The following KLRG2 variants were observed in gnomAD, a reference collection of about 807,000 sequenced individuals.
The protein encoded by KLRG2 is killer cell lectin-like receptor subfamily G member 2.
KLRG2 carries 39 observed loss-of-function variants against 35.4 expected under a neutral mutation model. The ratio of observed to expected loss-of-function variants is 1.10; its 90% CI spans 0.85 to 1.44. KLRG2 has a LOEUF of 1.44. KLRG2 is among the 40% of genes most tolerant of loss of function. KLRG2 has a pLI of 0.00. For missense variants in KLRG2, 632 were observed against 570.9 expected, an observed-to-expected ratio of 1.11 and a Z score of -1.09; for synonymous variants, 283 against 265.8, an observed-to-expected ratio of 1.06 and a Z score of -0.63.
intron 3 of KLRG2, among the ~76,000 whole-genome samples, chr7:139,461,476 T>G (rs565547978): frequency 6.6e-6 from 1 of 152,232 alleles, no homozygotes; most frequent in Non-Finnish European, 1.5e-5. Context: ...GCCAGGCCTC[T>G]GAGCCCAAGC....
intron 3 of KLRG2, among the ~76,000 whole-genome samples, chr7:139,460,190 AT>A (rs1796545069): frequency 6.6e-6 from 1 of 152,114 alleles, no homozygotes; most frequent in Admixed American, 6.6e-5. Context: ...CCTCCAGCAG[AT>A]TTTTACATGG....
chr7:139,437,317 C>T, the KLRG2 span, among the ~76,000 whole-genome samples: 1 of 147,958 alleles, frequency 6.8e-6, no homozygotes, highest in African/African-American at 2.5e-5. Flanking sequence ...CCCAGCTACT[C>T]GGGAGGCTGA....
At chr7:139,437,425 C>CA in the KLRG2 span, among the ~76,000 whole-genome samples, 4,698 of 72,928 alleles carry the variant, frequency 0.064, 258 homozygotes, top group Non-Finnish European at 0.081. Flanking sequence ...ACTCCATCTC[C>CA]AAAAAAAAAA....
At chr7:139,480,346 C>T (rs1796934296) in intron 1 of KLRG2, 99 bp from the exon 2 acceptor site, 1 of 666,372 alleles carries the variant, frequency 1.5e-6, no homozygotes, top group Non-Finnish European at 2.8e-6. Flanking sequence ...TCACCCACCT[C>T]ACCCCAGCAC....
downstream of KLRG2, among the ~76,000 whole-genome samples, chr7:139,449,947 C>G (rs999052199): frequency 6.6e-6 from 1 of 151,850 alleles, no homozygotes; most frequent in African/African-American, 2.4e-5. Flanking sequence ...GTGATCCGCC[C>G]GCCTCGGCCT....
intron 3 of KLRG2, among the ~76,000 whole-genome samples, chr7:139,463,451 A>G (rs1317011662): frequency 6.6e-6 from 1 of 152,216 alleles, no homozygotes; most frequent in Non-Finnish European, 1.5e-5. Context: ...GCCATGAGAC[A>G]AAACCCAGCC....
the KLRG2 span, among the ~76,000 whole-genome samples, chr7:139,431,161 T>C: frequency 6.6e-6 from 1 of 152,060 alleles, no homozygotes; most frequent in East Asian, 1.9e-4. Flanking sequence ...AGAGTACACA[T>C]ACTGTACAAT....
chr7:139,449,751 G>C (rs1381598407), downstream of KLRG2, among the ~76,000 whole-genome samples: 1 of 133,006 alleles, frequency 7.5e-6, no homozygotes, highest in African/African-American at 2.9e-5. Context: ...CCAGGCTGGA[G>C]TGCAGTGGCA....
Position 139,483,609 on chromosome 7 carries a change from G to C in KLRG2, c.34C>G (p.Gln12Glu). ...TCCATTGGGAGCTCTGCCCCGGCTT[G>C]GCCTCCGGGCGCAGCCTCCCAAGAC... ...EESWEAAPGG[Q>E]AGAELPMEPV... The change falls in exon 1 of 5, where the codon CAA (glutamine) becomes GAA (glutamate). Residue 12 changes from glutamine (Q) to glutamate (E), a missense_variant. By Grantham distance (29) the Gln-to-Glu change is conservative. Transcript: ENST00000340940. The C allele has an allele frequency of 6.3e-7, 1 of 1,580,198 alleles. No homozygotes were observed. Among genetic ancestry groups the C allele is most frequent in the Non-Finnish European group, 8.5e-7 (1 of 1,171,820 alleles).
chr7:139,464,143 C>G (rs1796613129), intron 3 of KLRG2, among the ~76,000 whole-genome samples: 1 of 152,124 alleles, frequency 6.6e-6, no homozygotes. Context: ...TCAAAGCCTC[C>G]TTTGCATTCT....
downstream of KLRG2, among the ~76,000 whole-genome samples, chr7:139,449,790 G>C (rs1266631137): frequency 1.5e-5 from 2 of 135,696 alleles, no homozygotes; most frequent in African/African-American, 5.5e-5. Context: ...AGCTCCACCT[G>C]CCAGGTTCAC....
the KLRG2 span, among the ~76,000 whole-genome samples, chr7:139,433,487 G>A: frequency 6.6e-6 from 1 of 152,060 alleles, no homozygotes; most frequent in Non-Finnish European, 1.5e-5. Context: ...CACCACACCC[G>A]GCTAATTTTG....
At chr7:139,454,822 TAATAATAA>T (rs1452919773) in intron 3 of KLRG2, among the ~76,000 whole-genome samples, 4 of 32,814 alleles carry the variant, frequency 1.2e-4, no homozygotes, top group African/African-American at 1.3e-3. Context: ...TATCTCAAAA[TAATAATAA>T]TAATAATAAT....
At chr7:139,435,970 T>C in the KLRG2 span, among the ~76,000 whole-genome samples, 1 of 152,022 alleles carries the variant, frequency 6.6e-6, no homozygotes, top group African/African-American at 2.4e-5. Context: ...GGCACAATCT[T>C]GGCTCATTGC....
the KLRG2 span, among the ~76,000 whole-genome samples, chr7:139,438,263 A>G: frequency 6.6e-6 from 1 of 152,178 alleles, no homozygotes; most frequent in East Asian, 1.9e-4. Flanking sequence ...GAGGTGTCTC[A>G]CTTTGTCACC....
downstream of KLRG2, among the ~76,000 whole-genome samples, chr7:139,451,298 G>A (rs1199987341): frequency 6.6e-6 from 1 of 152,118 alleles, no homozygotes; most frequent in African/African-American, 2.4e-5. Context: ...TCAGGAGTTC[G>A]AGACCAGCCT....
At chr7:139,458,937 C>G (rs1397916173) in intron 3 of KLRG2, among the ~76,000 whole-genome samples, 1 of 152,206 alleles carries the variant, frequency 6.6e-6, no homozygotes, top group African/African-American at 2.4e-5. Flanking sequence ...CTGTCCTCCC[C>G]ACCCTGCCTC....
chr7:139,475,853 C>A (rs987341273), intron 3 of KLRG2, among the ~76,000 whole-genome samples: 2 of 152,040 alleles, frequency 1.3e-5, no homozygotes, highest in African/African-American at 4.8e-5. Context: ...AGGGACTGAA[C>A]CCTCAAACTG....
intron 3 of KLRG2, among the ~76,000 whole-genome samples, chr7:139,463,626 G>A (rs181016715): frequency 1.3e-5 from 2 of 152,228 alleles, no homozygotes; most frequent in African/African-American, 4.8e-5. Context: ...CTCCTAAGCC[G>A]TGTCCCATGT....
Sources: allele counts gnomAD v4.1 joint callset (sites outside exome capture counted in the v4.1 genomes callset), GRCh38; gene constraint gnomAD v4.1.1; transcripts MANE v1.5; gene names NCBI Gene and HGNC (gene_info 2026-07-23, HGNC 2026-07-21).